Variants in RABGAP1L observed in about 807,000 individuals in gnomAD.
RABGAP1L encodes RAB GTPase activating protein 1 like, also known as rab GTPase-activating protein 1-like.
In RABGAP1L, 63 loss-of-function variants were observed where a neutral mutation model predicts 137.7. That is an observed-to-expected ratio of 0.46 (90% CI 0.37 to 0.56). The LOEUF (loss-of-function observed/expected upper bound fraction) is 0.56, where lower values mean the gene tolerates loss of function less well. Ranked by LOEUF, RABGAP1L falls within the 20% of genes least tolerant of loss-of-function variation. The pLI, the probability that RABGAP1L is intolerant of heterozygous loss-of-function variation, is 0.00. For missense variants in RABGAP1L, 1,095 were observed against 1,244.0 expected, an observed-to-expected ratio of 0.88 and a Z score of 1.80; for synonymous variants, 431 against 433.7, an observed-to-expected ratio of 0.99 and a Z score of 0.08.
At chr1:174,752,462 A>C in intron 18 of RABGAP1L, 108 bp downstream of exon 18, 1 of 740,320 alleles carries the variant, frequency 1.4e-6, no homozygotes. Flanking sequence ...TCTCAGACAC[A>C]CAAAAATAGA....
At chr1:174,989,684 T>C (rs1054660308) in intron 25 of RABGAP1L, among the ~76,000 whole-genome samples, 165 bp from the exon 26 acceptor site, 1 of 152,196 alleles carries the variant, frequency 6.6e-6, no homozygotes, top group Admixed American at 6.5e-5. Flanking sequence ...TTTTAGCTCT[T>C]AACTTTATCC....
intron 12 of RABGAP1L, among the ~76,000 whole-genome samples, chr1:174,387,953 A>G (rs1039217713): frequency 1.3e-5 from 2 of 152,106 alleles, no homozygotes; most frequent in Non-Finnish European, 1.5e-5. Context: ...TGTGTAAACT[A>G]CAGAAGTATA....
intron 19 of RABGAP1L, among the ~76,000 whole-genome samples, chr1:174,915,460 CT>C (rs1160258139): frequency 1.3e-5 from 2 of 151,792 alleles, no homozygotes; most frequent in African/African-American, 4.8e-5. Context: ...AGTTTTTGCC[CT>C]TTTTTCTTTT....
At chr1:174,263,977 C>T (rs912107134) in intron 7 of RABGAP1L, among the ~76,000 whole-genome samples, 1 of 151,586 alleles carries the variant, frequency 6.6e-6, no homozygotes, top group African/African-American at 2.4e-5. Flanking sequence ...ATATTTTATC[C>T]GTATTTGTAA....
intron 11 of RABGAP1L, among the ~76,000 whole-genome samples, chr1:174,366,851 C>A (rs1180162204): frequency 6.7e-6 from 1 of 148,548 alleles, no homozygotes; most frequent in African/African-American, 2.5e-5. Flanking sequence ...TTCTTCTGCT[C>A]AAGGAACTAA....
chr1:174,534,499 AG>A (rs1664724662), intron 13 of RABGAP1L, among the ~76,000 whole-genome samples: 1 of 152,078 alleles, frequency 6.6e-6, no homozygotes, highest in African/African-American at 2.4e-5. Flanking sequence ...AGAGCAGGCC[AG>A]GCAAGGTGAC....
chr1:174,540,193 G>T (rs1451291815), intron 13 of RABGAP1L, among the ~76,000 whole-genome samples: 1 of 152,078 alleles, frequency 6.6e-6, no homozygotes, highest in Non-Finnish European at 1.5e-5. Flanking sequence ...CTGGATATTA[G>T]CCCTTTGTCA....
intron 14 of RABGAP1L, among the ~76,000 whole-genome samples, chr1:174,639,580 A>C (rs1260647975): frequency 1.3e-5 from 2 of 152,106 alleles, no homozygotes; most frequent in East Asian, 1.9e-4. Flanking sequence ...ATTTTCAGCC[A>C]GTCAGTGACT....
At chr1:174,349,468 A>C (rs1571339931) in intron 11 of RABGAP1L, among the ~76,000 whole-genome samples, 1 of 111,468 alleles carries the variant, frequency 9.0e-6, no homozygotes, top group Non-Finnish European at 1.8e-5. Context: ...TGACCCCCCC[A>C]CCTCCCTCCC....
chr1:174,806,128 G>A (rs1358868443), intron 18 of RABGAP1L, among the ~76,000 whole-genome samples: 13 of 152,138 alleles, frequency 8.5e-5, no homozygotes, highest in Non-Finnish European at 1.6e-4. Flanking sequence ...CCTATTTTGG[G>A]TACTTGGTTT....
At chr1:174,930,809 G>T (rs190429266) in intron 19 of RABGAP1L, among the ~76,000 whole-genome samples, 1 of 152,198 alleles carries the variant, frequency 6.6e-6, no homozygotes, top group East Asian at 1.9e-4. Context: ...AAATATTTAA[G>T]TATATATCTT....
chr1:174,731,745 C>G (rs1309440013), intron 17 of RABGAP1L, among the ~76,000 whole-genome samples: 1 of 152,222 alleles, frequency 6.6e-6, no homozygotes, highest in Non-Finnish European at 1.5e-5. Flanking sequence ...TCTGTAAATG[C>G]TTCTTGGTTT....
chr1:174,372,522 A>T (rs1277545208), intron 12 of RABGAP1L, among the ~76,000 whole-genome samples: 1 of 152,148 alleles, frequency 6.6e-6, no homozygotes, highest in African/African-American at 2.4e-5. Context: ...TTAACCTATA[A>T]CAAGGGTCAT....
chr1:174,908,390 T>C (rs893676317), intron 19 of RABGAP1L, among the ~76,000 whole-genome samples: 3 of 152,212 alleles, frequency 2.0e-5, no homozygotes, highest in Non-Finnish European at 4.4e-5. Context: ...GAATAGACCA[T>C]ATCTTAGACC....
At chr1:174,465,088 T>C (rs1046092276) in intron 13 of RABGAP1L, among the ~76,000 whole-genome samples, 1 of 152,224 alleles carries the variant, frequency 6.6e-6, no homozygotes, top group African/African-American at 2.4e-5. Flanking sequence ...AGTCTCCCTT[T>C]ATGATGTAGC....
intron 3 of RABGAP1L, among the ~76,000 whole-genome samples, chr1:174,221,530 T>C (rs543594286): frequency 3.3e-5 from 5 of 152,350 alleles, no homozygotes; most frequent in East Asian, 1.9e-4. Context: ...TTTAAAGTTA[T>C]ATTTAGTAAA....
At chr1:174,705,186 A>T (rs1321579483) in intron 17 of RABGAP1L, 1 of 152,002 alleles carries the variant, frequency 6.6e-6, no homozygotes, top group African/African-American at 2.4e-5. Flanking sequence ...GTGATTTCTC[A>T]ATCACTTTTC....
Position 174,776,391 on chromosome 1 carries a change from AT to A in RABGAP1L, c.2211+24038del, listed in dbSNP as rs944501064. On this transcript the variant is annotated intron_variant, in intron 18 of 25. Transcript: ENST00000681986. ...CTTCATCTCAAAAAATAAAAAAAAA[AT>A]AATAATAAAGTTGGTATTAGAGAAT... is the stretch of plus-strand genomic sequence containing the variant. Among the ~76,000 whole-genome samples the A allele has an allele frequency of 1.3e-3, 194 of 152,176 alleles. 1 individual carries two copies. The highest frequency in any genetic ancestry group is 4.6e-3 in the African/African-American group (189 of 41,532).
intron 13 of RABGAP1L, among the ~76,000 whole-genome samples, chr1:174,613,644 G>T (rs1415294554): frequency 6.6e-6 from 1 of 152,144 alleles, no homozygotes. Flanking sequence ...TCTGTCTAAT[G>T]TTGACAGTGG....
Sources: allele counts gnomAD v4.1 joint callset (sites outside exome capture counted in the v4.1 genomes callset), GRCh38; gene constraint gnomAD v4.1.1; transcripts MANE v1.5; gene names NCBI Gene and HGNC (gene_info 2026-07-23, HGNC 2026-07-21).